CCDC6: variants seen among roughly 807,000 people sequenced by gnomAD.
CCDC6 encodes the protein coiled-coil domain containing 6, also known as coiled-coil domain-containing protein 6.
A neutral mutation model predicts 56.6 loss-of-function variants in CCDC6; 20 were observed. The ratio of observed to expected loss-of-function variants is 0.35; its 90% CI spans 0.25 to 0.51. The LOEUF is 0.51. Among genes scored for constraint, CCDC6 ranks in the 20% least tolerant of loss-of-function variants. The pLI is 0.95. For missense variants in CCDC6, 367 were observed against 601.1 expected (o/e 0.61, Z 4.07); for synonymous variants, 241 against 234.4 (o/e 1.03, Z -0.26).
chr10:59,890,340 A>G (rs1227947841), intron 1 of CCDC6, among the ~76,000 whole-genome samples: 2 of 152,138 alleles, frequency 1.3e-5, no homozygotes, highest in Non-Finnish European at 2.9e-5. Context: ...GCCGCTGAGG[A>G]AGAAGTGGAG....
intron 1 of CCDC6, among the ~76,000 whole-genome samples, chr10:59,876,467 C>G (rs552791460): frequency 6.6e-6 from 1 of 151,938 alleles, no homozygotes; most frequent in East Asian, 1.9e-4. Flanking sequence ...TGAAAAGGCT[C>G]CCTTACCCAG....
intron 1 of CCDC6, among the ~76,000 whole-genome samples, chr10:59,860,055 C>T (rs1486062883): frequency 6.6e-6 from 1 of 152,026 alleles, no homozygotes; most frequent in Non-Finnish European, 1.5e-5. Flanking sequence ...GTACTCCAGT[C>T]TAGGCAACAG....
chr10:59,883,685 C>T (rs559030565), intron 1 of CCDC6, among the ~76,000 whole-genome samples: 2 of 152,270 alleles, frequency 1.3e-5, no homozygotes, highest in South Asian at 2.1e-4. Context: ...GTTTCACGTA[C>T]ACAAATTGGA....
At chr10:59,799,383 G>A (rs2070553538) in intron 7 of CCDC6, among the ~76,000 whole-genome samples, 1 of 152,122 alleles carries the variant, frequency 6.6e-6, no homozygotes, top group Non-Finnish European at 1.5e-5. Context: ...CCAAGATCAT[G>A]CCACTGCACT....
chr10:59,872,839 A>G (rs1246044326), intron 1 of CCDC6, among the ~76,000 whole-genome samples: 6 of 151,812 alleles, frequency 4.0e-5, no homozygotes, highest in African/African-American at 1.5e-4. Flanking sequence ...CTTCCCTGCT[A>G]GAACTTCTAA....
chr10:59,836,052 TAAAAAAAAAAA>T (rs59353306), intron 2 of CCDC6, among the ~76,000 whole-genome samples: 1 of 57,596 alleles, frequency 1.7e-5, no homozygotes, highest in South Asian at 6.6e-4. Flanking sequence ...CGACCCTGTC[TAAAAAAAAAAA>T]AAAAAAAAAA....
At chr10:59,815,225 A>G (rs958774398) in intron 3 of CCDC6, among the ~76,000 whole-genome samples, 3 of 152,186 alleles carry the variant, frequency 2.0e-5, no homozygotes, top group African/African-American at 7.2e-5. Flanking sequence ...ATAAATAAAC[A>G]TGTACTAAGA....
rs1041629347 is a variant in CCDC6, at chr10:59,876,477, G to A, written c.304-23775C>T. On this transcript the variant is annotated intron_variant, in intron 1 of 8. Coordinates refer to ENST00000263102, the MANE Select transcript of CCDC6 (RefSeq NM_005436.5). ...ATTTTTGAAAAGGCTCCCTTACCCA[G>A]AAAGGATACCAGGCCCAGGTGTGAC... is the stretch of plus-strand genomic sequence containing the variant. 4.6e-5 allele frequency among the ~76,000 whole-genome samples: 7 copies of A among 150,670 alleles called. No homozygotes were observed. In the East Asian group the frequency reaches 1.2e-3, roughly 25 times the overall value.
chr10:59,793,615 C>G (rs2070486696), intron 8 of CCDC6, among the ~76,000 whole-genome samples: 1 of 152,124 alleles, frequency 6.6e-6, no homozygotes, highest in Admixed American at 6.5e-5. Flanking sequence ...AAAACCCCGT[C>G]TCTATTAAAA....
intron 1 of CCDC6, among the ~76,000 whole-genome samples, chr10:59,893,287 C>T (rs1349308449): frequency 6.6e-6 from 1 of 151,674 alleles, no homozygotes; most frequent in Non-Finnish European, 1.5e-5. Flanking sequence ...GGTGGTTACA[C>T]CAGTGACTTC....
chr10:59,877,006 C>T (rs1178920344), intron 1 of CCDC6, among the ~76,000 whole-genome samples: 2 of 152,158 alleles, frequency 1.3e-5, no homozygotes, highest in Non-Finnish European at 2.9e-5. Context: ...CGTTATTATA[C>T]TGAATACTGC....
intron 1 of CCDC6, among the ~76,000 whole-genome samples, chr10:59,869,389 C>CAAAAAAAAAAAAAAAAAA (rs1167007522): frequency 8.2e-4 from 5 of 6,102 alleles, no homozygotes; most frequent in Non-Finnish European, 9.8e-4. Context: ...CTTGCTCAGG[C>CAAAAAAAAAAAAAAAAAA]AAAAAAAAAA....
At chr10:59,896,760 T>G (rs1175642753) in intron 1 of CCDC6, among the ~76,000 whole-genome samples, 1 of 150,528 alleles carries the variant, frequency 6.6e-6, no homozygotes, top group Non-Finnish European at 1.5e-5. Flanking sequence ...TGGTGATGGT[T>G]GCAAAACACT....
rs1318262325 is a variant in CCDC6 at position 59,791,801 on chromosome 10, T to C, written c.*1116A>G. On this transcript the variant is annotated 3_prime_UTR_variant, in exon 9 of 9. Transcript: ENST00000263102. ...TTTATTTGTGCTAAATGAATGGAAA[T>C]AATGTATTCAGAATATACTTCTTTG... 2 of 215,408 alleles carry C rather than the reference T, an allele frequency of 9.3e-6. No individual in the cohort carries two copies. The highest frequency in any genetic ancestry group is 2.3e-5 in the African/African-American group (1 of 44,358). The allele number at this position is 215,408 out of a possible 1,614,324, so 13.3% of individuals were successfully genotyped here.
chr10:59,879,546 G>A (rs1216059886), intron 1 of CCDC6, among the ~76,000 whole-genome samples: 1 of 151,594 alleles, frequency 6.6e-6, no homozygotes, highest in Non-Finnish European at 1.5e-5. Flanking sequence ...GACAAAGTGA[G>A]ACAAAACAAG....
At chr10:59,881,204 C>T (rs2071332230) in intron 1 of CCDC6, among the ~76,000 whole-genome samples, 1 of 152,150 alleles carries the variant, frequency 6.6e-6, no homozygotes, top group Admixed American at 6.5e-5. Context: ...CCACTTCCTA[C>T]CACTCACCAC....
chr10:59,849,451 A>AT (rs1479749837), intron 2 of CCDC6, among the ~76,000 whole-genome samples: 1 of 152,196 alleles, frequency 6.6e-6, no homozygotes, highest in Non-Finnish European at 1.5e-5. Context: ...ACTTGATTCT[A>AT]TTTTTTAAAG....
chr10:59,794,740 G>A (rs1044350999), intron 7 of CCDC6, 143 bp from the exon 8 acceptor site: 2 of 658,850 alleles, frequency 3.0e-6, no homozygotes, highest in Non-Finnish European at 5.2e-6. Context: ...TCACTAAATG[G>A]TGTGGATAAC....
chr10:59,845,522 T>C (rs796983803), intron 2 of CCDC6, among the ~76,000 whole-genome samples: 14 of 152,316 alleles, frequency 9.2e-5, no homozygotes, highest in African/African-American at 3.1e-4. Flanking sequence ...TGAGAGATTT[T>C]TGCCATGCTA....
Sources: gnomAD v4.1 joint callset for allele counts (sites outside exome capture counted in the v4.1 genomes callset) on GRCh38, gnomAD v4.1.1 for gene constraint, MANE v1.5 for transcripts, NCBI Gene and HGNC (gene_info 2026-07-23, HGNC 2026-07-21) for gene names.